The following MYRIP variants were observed in gnomAD, a reference collection of about 807,000 sequenced individuals.
MYRIP encodes the protein myosin VIIA and Rab interacting protein.
In MYRIP, 49 loss-of-function variants were observed where a neutral mutation model predicts 98.0. The observed-to-expected ratio is 0.50, with a 90% CI of 0.40 to 0.63. The LOEUF is 0.63. Ranked by LOEUF, MYRIP falls within the 30% of genes least tolerant of loss-of-function variation. The pLI is 0.00. For missense variants in MYRIP, 1,004 were observed against 1,058.2 expected (o/e 0.95, Z 0.71); for synonymous variants, 404 against 409.5 (o/e 0.99, Z 0.16).
At chr3:40,053,776 G>C (rs567911459) in intron 3 of MYRIP, among the ~76,000 whole-genome samples, 114 of 152,126 alleles carry the variant, frequency 7.5e-4, no homozygotes, top group Admixed American at 2.5e-3. Context: ...CTGCACCCTA[G>C]TTTAAGTCTT....
rs534187618 is a variant in MYRIP, at chr3:40,205,380, G to GTT, written c.1666-4473_1666-4472insTT. On this transcript the variant is annotated intron_variant, in intron 10 of 16. Transcript: ENST00000302541. ...TGGATCTACATTCACCTTCCCTGGC[G>GTT]TAAAATGCTTATGGTTTAGCCTAAG... 1.3e-3 allele frequency among the ~76,000 whole-genome samples: 203 copies of GTT among 152,240 alleles called. 1 individual carries two copies. The highest frequency in any genetic ancestry group is 0.011 in the Admixed American group (171 of 15,284).
At chr3:40,230,017 G>A (rs1243137321) in intron 11 of MYRIP, among the ~76,000 whole-genome samples, 1 of 152,186 alleles carries the variant, frequency 6.6e-6, no homozygotes, top group East Asian at 1.9e-4. Context: ...TTGCTCACTA[G>A]AAGGTTGTGT....
intron 2 of MYRIP, among the ~76,000 whole-genome samples, chr3:39,996,625 G>A (rs143795748): frequency 0.041 from 6,191 of 152,162 alleles, 186 homozygotes; most frequent in East Asian, 0.17. Context: ...ACAGATCAAC[G>A]AGACAGAAAC....
chr3:40,109,378 AG>A (rs1314341443), intron 3 of MYRIP, among the ~76,000 whole-genome samples: 2 of 152,208 alleles, frequency 1.3e-5, no homozygotes, highest in Admixed American at 6.5e-5. Context: ...CATGCTAAGA[AG>A]GTGCCAGTTA....
Position 39,990,555 on chromosome 3 carries a change from A to G in MYRIP, c.111-53495A>G, listed in dbSNP as rs199716351. On this transcript the variant is annotated intron_variant, in intron 2 of 16. Transcript: ENST00000302541. ...TCTATTAGGTATCTGGAAAAGTTTA[A>G]AAATCAGACATTCAAGGGCTGATAC... 2.6e-5 allele frequency among the ~76,000 whole-genome samples: 4 copies of G among 152,212 alleles called. No individual in the cohort carries two copies. The East Asian group carries it at 7.7e-4, about 29-fold the overall frequency.
Position 40,211,262 on chromosome 3 carries a change from G to T in MYRIP, c.1905+1169G>T, listed in dbSNP as rs189849694. Among the ~76,000 whole-genome samples, 1,303 of 152,278 alleles carry T rather than the reference G, an allele frequency of 8.6e-3. 11 individuals are homozygous for T. The highest frequency in any genetic ancestry group is 0.013 in the Non-Finnish European group (904 of 68,026). On this transcript the variant is annotated intron_variant, in intron 11 of 16. Coordinates refer to ENST00000302541, the MANE Select transcript of MYRIP (RefSeq NM_015460.4). ...GAGAAAAACCTCCCAGGTGTTTTCT[G>T]TGTCCCAAGTATATACTGTGTAAAC...
At chr3:39,861,927 C>T (rs554969575) in intron 1 of MYRIP, among the ~76,000 whole-genome samples, 1 of 152,164 alleles carries the variant, frequency 6.6e-6, no homozygotes, top group Non-Finnish European at 1.5e-5. Context: ...TTCAGGACAT[C>T]ATCCATGAAA....
At chr3:39,824,981 G>A (rs187019379) in intron 1 of MYRIP, among the ~76,000 whole-genome samples, 1 of 152,258 alleles carries the variant, frequency 6.6e-6, no homozygotes, top group Admixed American at 6.5e-5. Flanking sequence ...TATTTCCATA[G>A]TGCTGGGATC....
chr3:40,160,886 A>C (rs757986836), intron 4 of MYRIP, among the ~76,000 whole-genome samples: 2 of 151,990 alleles, frequency 1.3e-5, no homozygotes, highest in Admixed American at 6.6e-5. Context: ...ACACCCACTG[A>C]CCTGTGCCCA....
intron 1 of MYRIP, among the ~76,000 whole-genome samples, chr3:39,893,674 TCA>T (rs66667492): frequency 0.072 from 10,604 of 146,958 alleles, 709 homozygotes; most frequent in African/African-American, 0.18. Flanking sequence ...TAAGTGGAAA[TCA>T]CACACACACA....
At chr3:39,905,981 C>T (rs1024042223) in intron 2 of MYRIP, among the ~76,000 whole-genome samples, 1 of 152,050 alleles carries the variant, frequency 6.6e-6, no homozygotes. Context: ...TAGTCAAGGT[C>T]ATGTGAGGAT....
intron 3 of MYRIP, among the ~76,000 whole-genome samples, chr3:40,106,842 G>A (rs1347908745): frequency 6.6e-6 from 1 of 151,864 alleles, no homozygotes; most frequent in Non-Finnish European, 1.5e-5. Context: ...TGTTTCATCT[G>A]ATTTGCCCTC....
At chr3:40,161,143 G>T (rs1229844571) in intron 4 of MYRIP, among the ~76,000 whole-genome samples, 4 of 152,124 alleles carry the variant, frequency 2.6e-5, no homozygotes, top group Middle Eastern at 6.3e-3. Flanking sequence ...TAGAGTTTCT[G>T]CCAACTCATG....
chr3:40,208,074 T>C (rs1163514434), intron 10 of MYRIP, among the ~76,000 whole-genome samples: 1 of 152,196 alleles, frequency 6.6e-6, no homozygotes, highest in African/African-American at 2.4e-5. Flanking sequence ...TTTTTCATCT[T>C]TCTTTAGCAT....
intron 1 of MYRIP, among the ~76,000 whole-genome samples, chr3:39,884,934 C>A (rs77694918): frequency 9.0e-6 from 1 of 111,572 alleles, no homozygotes; most frequent in Non-Finnish European, 1.7e-5. Context: ...TCCCCCCACC[C>A]CCCTTCTCCC....
At chr3:40,250,875 T>C (rs1480614563) in intron 15 of MYRIP, among the ~76,000 whole-genome samples, 1 of 152,236 alleles carries the variant, frequency 6.6e-6, no homozygotes, top group African/African-American at 2.4e-5. Context: ...GGAGATGGGA[T>C]ATTTGTTCTA....
intron 3 of MYRIP, among the ~76,000 whole-genome samples, chr3:40,119,994 C>T (rs1038167123): frequency 6.6e-5 from 10 of 151,990 alleles, no homozygotes; most frequent in Non-Finnish European, 1.2e-4. Flanking sequence ...CATTAGCCAG[C>T]GATGTAGCCT....
intron 10 of MYRIP, among the ~76,000 whole-genome samples, chr3:40,204,035 T>A (rs1348682154): frequency 7.7e-5 from 1 of 12,916 alleles, no homozygotes; most frequent in African/African-American, 2.0e-4. Context: ...ATATATATTA[T>A]ATATTATATA....
intron 2 of MYRIP, among the ~76,000 whole-genome samples, chr3:39,993,020 A>G (rs189427038): frequency 2.3e-4 from 35 of 152,280 alleles, no homozygotes; most frequent in African/African-American, 8.2e-4. Flanking sequence ...TGCTGATATA[A>G]CAGAATACCA....
Sources: gnomAD v4.1 joint callset for allele counts (sites outside exome capture counted in the v4.1 genomes callset) on GRCh38, gnomAD v4.1.1 for gene constraint, MANE v1.5 for transcripts, NCBI Gene and HGNC (gene_info 2026-07-23, HGNC 2026-07-21) for gene names.